The following AGER variants were observed in gnomAD, a reference collection of about 807,000 sequenced individuals.
AGER encodes the protein advanced glycation end product-specific receptor.
In AGER, 46 loss-of-function variants were observed where a neutral mutation model predicts 48.8. That is an observed-to-expected ratio of 0.94 (90% CI 0.74 to 1.20). The LOEUF (loss-of-function observed/expected upper bound fraction) is 1.20. Ranked by LOEUF, AGER falls within the 50% of genes most tolerant of loss-of-function variation. The pLI is 0.00. For missense variants in AGER, 489 were observed against 515.0 expected, an observed-to-expected ratio of 0.95 and a Z score of 0.49; for synonymous variants, 170 against 199.9, an observed-to-expected ratio of 0.85 and a Z score of 1.26.
chr6:32,182,371 A>G lies in AGER; in HGVS notation c.840T>C (p.Leu280=). 6.2e-7 allele frequency: 1 copy of G among 1,611,566 alleles called. No homozygotes were observed. Among genetic ancestry groups the G allele is most frequent in the Non-Finnish European group, 8.5e-7 (1 of 1,179,560 alleles). Residue 280 remains leucine (L), a synonymous_variant, in exon 8 of 11, where the codon CTT becomes CTC. Coordinates refer to ENST00000375076, the MANE Select transcript of AGER (RefSeq NM_001136.5). The surrounding 1 kb of genome is among the most constrained non-coding windows in gnomAD (Gnocchi z 5.1). ...HWMKDGVPLP[L]PPSPVLILPE... ...GGAGGATCAGCACAGGGCTGGGGGG[A>G]AGGGGCAAGGGCACACCCTGGTGGG...
chr6:32,182,750 A>C lies in AGER; in HGVS notation c.692-52T>G. 1.2e-6 allele frequency: 2 copies of C among 1,612,992 alleles called. No homozygotes were observed. The highest frequency in any genetic ancestry group is 1.7e-6 in the Non-Finnish European group (2 of 1,180,002). On this transcript the variant is annotated intron_variant, in intron 6 of 10. Transcript: ENST00000375076. This position sits in a 1 kb window ranked among gnomAD's most constrained non-coding sequence, Gnocchi z 5.1. ...GAGAGTTACACTTGTGAGTGATCCCAGTGGCCATGGGCTTGACTCCCTCTT... is the reference window on the plus strand; with the variant it reads ...GAGAGTTACACTTGTGAGTGATCCCCGTGGCCATGGGCTTGACTCCCTCTT...
rs552065901 is a variant in AGER, at chr6:32,181,624, C to T, written c.973G>A (p.Glu325Lys). ...AVSISIIEPG[E>K]EGPTAGSVGG... ...CCCTCACCTGCAGTTGGCCCCTCCT[C>T]GCCTGGTTCTGGAAGACAAAGTTGG... Residue 325 changes from glutamate to lysine, a missense_variant, in exon 9 of 11, where the codon GAG becomes AAG. Coordinates refer to ENST00000375076, the MANE Select transcript of AGER (RefSeq NM_001136.5). The surrounding 1 kb of genome is among the most constrained non-coding windows in gnomAD (Gnocchi z 4.1). The T allele has an allele frequency of 1.3e-5, 21 of 1,613,102 alleles. No homozygotes were observed. Among genetic ancestry groups the T allele is most frequent in the African/African-American group, 1.2e-4 (9 of 75,052 alleles).
At position 32,183,932 on chromosome 6, in the gene AGER, C is replaced by A; in HGVS notation, c.108G>T (p.Leu36=). The A allele has an allele frequency of 6.2e-7, 1 of 1,613,076 alleles. No individual in the cohort carries two copies. Among genetic ancestry groups the A allele is most frequent in the Non-Finnish European group, 8.5e-7 (1 of 1,180,024 alleles). ...GTTTCTTGGGGGCCCCCTTACACTT[C>A]AGCACCAGTGGCTCGCCAATCCGGG... ...ITARIGEPLV[L]KCKGAPKKPP... Residue 36 remains leucine, a synonymous_variant, in exon 2 of 11, where the codon CTG becomes CTT. Transcript: ENST00000375076.
At position 32,183,569 on chromosome 6, in the gene AGER, C is replaced by T. The variant is rs17846806; in HGVS notation, c.341G>A (p.Arg114Gln). 29 of 1,612,934 alleles carry T rather than the reference C, an allele frequency of 1.8e-5. No homozygotes were observed. The highest frequency in any genetic ancestry group is 2.7e-5 in the African/African-American group (2 of 74,912). Residue 114 changes from arginine (R) to glutamine (Q), a missense_variant, in exon 3 of 11, where the codon CGA becomes CAA. Arg to Gln is a conservative substitution (Grantham distance 43, BLOSUM62 1). Transcript: ENST00000375076. The stretch of plus-strand genomic sequence containing the variant: ...GGAATTCTTACGGTAGACACGGACT[C>T]GGTAGTTGGACTTGGTCTCCTTTCC... ...RNGKETKSNY[R>Q]VRVYQIPGKP...
chr6:32,182,802 T>C lies in AGER; in HGVS notation c.691+39A>G, dbSNP rs1051744957. 1 of 1,612,720 alleles carries C rather than the reference T, an allele frequency of 6.2e-7. No homozygotes were observed. The highest frequency in any genetic ancestry group is 1.7e-5 in the Admixed American group (1 of 60,020). On this transcript the variant is annotated intron_variant, in intron 6 of 10. Transcript: ENST00000375076. This position sits in a 1 kb window ranked among gnomAD's most constrained non-coding sequence, Gnocchi z 5.1. The stretch of plus-strand genomic sequence containing the variant: ...CCCTAAGGGTCAGACTTCCAGAACG[T>C]GCTCACGTGAGCTTGGGGCCCTCCC...
chr6:32,182,339 A>G lies in AGER; in HGVS notation c.872T>C (p.Ile291Thr), dbSNP rs1194395987. 1.2e-6 allele frequency: 2 copies of G among 1,612,102 alleles called. No homozygotes were observed. Among genetic ancestry groups the G allele is most frequent in the African/African-American group, 1.3e-5 (1 of 74,956 alleles). Residue 291 changes from isoleucine (I) to threonine (T), a missense_variant, in exon 8 of 11, where the codon ATA becomes ACA. By Grantham distance (89) the Ile-to-Thr change is moderately conservative. Transcript: ENST00000375076. The surrounding 1 kb of genome is among the most constrained non-coding windows in gnomAD (Gnocchi z 5.1). ...GTAGGTTCCCTGGTCCTGAGGCCCT[A>G]TCTCAGGGAGGATCAGCACAGGGCT... ...PPSPVLILPEIGPQDQGTYSC... is the reference protein window; with the variant it reads ...PPSPVLILPETGPQDQGTYSC...
chr6:32,181,645 G>C lies in AGER; in HGVS notation c.965-13C>G. ...TCCTCGCCTGGTTCTGGAAGACAAA[G>C]TTGGATCCAGTCAGAAAGGAAGACT... On this transcript the variant is annotated splice_polypyrimidine_tract_variant and intron_variant, in intron 8 of 10. Coordinates refer to ENST00000375076, the MANE Select transcript of AGER (RefSeq NM_001136.5). The surrounding 1 kb of genome is among the most constrained non-coding windows in gnomAD (Gnocchi z 4.1). The C allele has an allele frequency of 6.2e-7, 1 of 1,612,860 alleles. No homozygotes were observed. The highest frequency in any genetic ancestry group is 1.1e-5 in the South Asian group (1 of 91,082).
In AGER at chr6:32,183,979, C is replaced by T; in HGVS notation, c.61G>A (p.Val21Ile). The T allele has an allele frequency of 6.2e-7, 1 of 1,613,030 alleles. No individual in the cohort carries two copies. The change falls in exon 2 of 11, where the codon GTA becomes ATA. Residue 21 changes from valine to isoleucine, a missense_variant. By Grantham distance (29) the Val-to-Ile change is conservative. Transcript: ENST00000375076. Reference sequence around the variant, plus strand: ...CGGGCTGTGATGTTTTGAGCACCTACTACTGCCCCTGGGAGATAGCACCAT... The same window carrying T: ...CGGGCTGTGATGTTTTGAGCACCTATTACTGCCCCTGGGAGATAGCACCAT... Reference protein sequence around the residue: ...VLVLSLWGAVVGAQNITARIG... With the variant: ...VLVLSLWGAVIGAQNITARIG...
In AGER at chr6:32,183,174, A is replaced by G. The variant is rs1786566454; in HGVS notation, c.448T>C (p.Tyr150His). 1 of 1,612,946 alleles carries G rather than the reference A, an allele frequency of 6.2e-7. No homozygotes were observed. The highest frequency in any genetic ancestry group is 1.1e-5 in the South Asian group (1 of 91,084). Residue 150 changes from tyrosine (Y) to histidine (H), a missense_variant, in exon 5 of 11, where the codon TAC becomes CAC. By Grantham distance (83) the Tyr-to-His change is moderately conservative. Coordinates refer to ENST00000375076, the MANE Select transcript of AGER (RefSeq NM_001136.5). The part of the protein sequence containing the change: ...KVGTCVSEGS[Y>H]PAGTLSWHLD... ...TGCCAGCTAAGAGTCCCTGCAGGGT[A>G]GCTTCCCTCTGACACACATGTCCCC...
At position 32,183,765 on chromosome 6, in the gene AGER, G is replaced by GC. The variant is rs1335326088; in HGVS notation, c.160-16dup. 3.1e-6 allele frequency: 5 copies of GC among 1,612,496 alleles called. No individual in the cohort carries two copies. The highest frequency in any genetic ancestry group is 4.2e-6 in the Non-Finnish European group (5 of 1,179,758). ...CGGCCTGTGTTCTAGAAGCAGAGAA[G>GC]CAGGGCCTAAACAGTGCAAGGCCTT... On this transcript the variant is annotated splice_polypyrimidine_tract_variant and intron_variant, in intron 2 of 10. Coordinates refer to ENST00000375076, the MANE Select transcript of AGER (RefSeq NM_001136.5).
At position 32,183,655 on chromosome 6, in the gene AGER, G is replaced by T; in HGVS notation, c.255C>A (p.Phe85Leu). The T allele has an allele frequency of 6.2e-7, 1 of 1,613,108 alleles. No homozygotes were observed. Residue 85 changes from phenylalanine (F) to leucine (L), a missense_variant, in exon 3 of 11, where the codon TTC becomes TTA. Transcript: ENST00000375076. ...VARVLPNGSL[F>L]LPAVGIQDEG... Reference sequence around the variant, plus strand: ...CATCCTGGATCCCGACAGCCGGAAGGAAGAGGGAGCCGTTGGGAAGGACAC... The same window carrying T: ...CATCCTGGATCCCGACAGCCGGAAGTAAGAGGGAGCCGTTGGGAAGGACAC...
chr6:32,183,763 A>G lies in AGER; in HGVS notation c.160-13T>C, dbSNP rs1406790353. 1.9e-6 allele frequency: 3 copies of G among 1,612,480 alleles called. No individual in the cohort carries two copies. The highest frequency in any genetic ancestry group is 2.5e-6 in the Non-Finnish European group (3 of 1,179,758). ...TCCGGCCTGTGTTCTAGAAGCAGAG[A>G]AGCAGGGCCTAAACAGTGCAAGGCC... On this transcript the variant is annotated splice_polypyrimidine_tract_variant and intron_variant, in intron 2 of 10. Coordinates refer to ENST00000375076, the MANE Select transcript of AGER (RefSeq NM_001136.5).
chr6:32,182,427 TTGTC>T lies in AGER; in HGVS notation c.823-43_823-40del. ...GGGAGAGGAGACTATTTCAAAACCC[TTGTC>T]TTTTTGTCTCCATATCTTCAGATAC... On this transcript the variant is annotated intron_variant, in intron 7 of 10. Transcript: ENST00000375076. The surrounding 1 kb of genome is among the most constrained non-coding windows in gnomAD (Gnocchi z 5.1). 1 of 1,593,804 alleles carries T rather than the reference TTGTC, an allele frequency of 6.3e-7. No individual in the cohort carries two copies. Among genetic ancestry groups the T allele is most frequent in the Non-Finnish European group, 8.6e-7 (1 of 1,169,190 alleles).
Position 32,183,187 on chromosome 6 carries a change from C to T in AGER, c.435G>A (p.Val145=), listed in dbSNP as rs1186468024. ...TCCCTGCAGGGTAGCTTCCCTCTGA[C>T]ACACATGTCCCCACCTGGGGAAAGA... The part of the protein sequence containing the change: ...AGVPNKVGTC[V]SEGSYPAGTL... Residue 145 remains valine, a synonymous_variant, in exon 5 of 11, where the codon GTG becomes GTA. Transcript: ENST00000375076. 1.2e-6 allele frequency: 2 copies of T among 1,613,132 alleles called. No individual in the cohort carries two copies. The highest frequency in any genetic ancestry group is 1.7e-5 in the Admixed American group (1 of 60,028).
chr6:32,181,548 C>G lies in AGER; in HGVS notation c.991+58G>C. The G allele has an allele frequency of 1.2e-6, 2 of 1,613,156 alleles. No homozygotes were observed. Among genetic ancestry groups the G allele is most frequent in the Non-Finnish European group, 1.7e-6 (2 of 1,180,040 alleles). ...CCATTCCTTTCTTGTTGACCATCCCCCCAGTCACATGTGTTGGGGGCTATC... is the reference window on the plus strand; with the variant it reads ...CCATTCCTTTCTTGTTGACCATCCCGCCAGTCACATGTGTTGGGGGCTATC... On this transcript the variant is annotated intron_variant, in intron 9 of 10. Transcript: ENST00000375076. This position sits in a 1 kb window ranked among gnomAD's most constrained non-coding sequence, Gnocchi z 4.1.
At position 32,181,254 on chromosome 6, in the gene AGER, TG is replaced by T. The variant is rs1561868364; in HGVS notation, c.1119-16del. ...CTGGGGCCTTCCTGAGGAGAAAGAT[TG>T]GGGGGAATGCGGCACGTTGTCGTTC... On this transcript the variant is annotated splice_polypyrimidine_tract_variant and intron_variant, in intron 10 of 10. Coordinates refer to ENST00000375076, the MANE Select transcript of AGER (RefSeq NM_001136.5). The surrounding 1 kb of genome is among the most constrained non-coding windows in gnomAD (Gnocchi z 4.1). 2 of 1,614,082 alleles carry T rather than the reference TG, an allele frequency of 1.2e-6. No individual in the cohort carries two copies. Among genetic ancestry groups the T allele is most frequent in the Non-Finnish European group, 1.7e-6 (2 of 1,180,036 alleles).
rs1786209326 is a variant in AGER at position 32,181,522 on chromosome 6, A to T, written c.992-45T>A. ...ATTGAGAGCACAGCCACCACCACTC[A>T]CCATTCCTTTCTTGTTGACCATCCC... On this transcript the variant is annotated intron_variant, in intron 9 of 10. Coordinates refer to ENST00000375076, the MANE Select transcript of AGER (RefSeq NM_001136.5). The surrounding 1 kb of genome is among the most constrained non-coding windows in gnomAD (Gnocchi z 4.1). 6.2e-7 allele frequency: 1 copy of T among 1,612,858 alleles called. No individual in the cohort carries two copies. Among genetic ancestry groups the T allele is most frequent in the Non-Finnish European group, 8.5e-7 (1 of 1,180,004 alleles).
At position 32,183,938 on chromosome 6, in the gene AGER, C is replaced by T. The variant is rs1372547580; in HGVS notation, c.102G>A (p.Leu34=). 1 of 1,613,088 alleles carries T rather than the reference C, an allele frequency of 6.2e-7. No homozygotes were observed. Among genetic ancestry groups the T allele is most frequent in the Non-Finnish European group, 8.5e-7 (1 of 1,180,020 alleles). ...QNITARIGEP[L]VLKCKGAPKK... is the part of the protein sequence containing the mutation. The stretch of plus-strand genomic sequence containing the variant: ...TGGGGGCCCCCTTACACTTCAGCAC[C>T]AGTGGCTCGCCAATCCGGGCTGTGA... Residue 34 remains leucine (L), a synonymous_variant, in exon 2 of 11, where the codon CTG becomes CTA. Transcript: ENST00000375076.
rs376859625 is a variant in AGER, at chr6:32,182,647, G to A, written c.743C>T (p.Ala248Val). 6.2e-7 allele frequency: 1 copy of A among 1,612,876 alleles called. No homozygotes were observed. The highest frequency in any genetic ancestry group is 8.5e-7 in the Non-Finnish European group (1 of 1,179,870). The change falls in exon 7 of 11, where the codon GCA becomes GTA. Residue 248 changes from alanine to valine, a missense_variant. Physicochemically the swap from Ala to Val is moderately conservative, Grantham distance 64 (BLOSUM62 0). Coordinates refer to ENST00000375076, the MANE Select transcript of AGER (RefSeq NM_001136.5). This position sits in a 1 kb window ranked among gnomAD's most constrained non-coding sequence, Gnocchi z 5.1. Reference protein sequence around the residue: ...VQLVVEPEGGAVAPGGTVTLT... With the variant: ...VQLVVEPEGGVVAPGGTVTLT... Reference sequence around the variant, plus strand: ...GGTTACGGTTCCACCAGGAGCTACTGCTCCACCTTCTGGCTCCACCACCAA... The same window carrying A: ...GGTTACGGTTCCACCAGGAGCTACTACTCCACCTTCTGGCTCCACCACCAA...
Sources: gnomAD v4.1 joint callset for allele counts on GRCh38, gnomAD v4.1.1 for gene constraint, Gnocchi (gnomAD v3.1) non-coding constraint, MANE v1.5 for transcripts, NCBI Gene and HGNC (gene_info 2026-07-23, HGNC 2026-07-21) for gene names.